Variants in YPEL2 observed in about 807,000 individuals in gnomAD.
YPEL2 encodes protein yippee-like 2.
In YPEL2, 2 loss-of-function variants were observed where a neutral mutation model predicts 19.1. The ratio of observed to expected loss-of-function variants is 0.10; its 90% confidence interval spans 0.04 to 0.33. The LOEUF (loss-of-function observed/expected upper bound fraction) is 0.33, where lower values mean the gene tolerates loss of function less well. Among genes scored for constraint, YPEL2 ranks in the 10% least tolerant of loss-of-function variants. The pLI, the probability that YPEL2 is intolerant of heterozygous loss-of-function variation, is 1.00. For missense variants in YPEL2, 66 were observed against 140.7 expected, an observed-to-expected ratio of 0.47 and a Z score of 2.68; for synonymous variants, 52 against 50.0, an observed-to-expected ratio of 1.04 and a Z score of -0.17.
At chr17:59,385,694 G>A (rs2047976410) in intron 2 of YPEL2, among the ~76,000 whole-genome samples, 1 of 152,092 alleles carries the variant, frequency 6.6e-6, no homozygotes, top group Non-Finnish European at 1.5e-5. Flanking sequence ...GGAGATGTTT[G>A]GGTGTCATGG....
intron 4 of YPEL2, among the ~76,000 whole-genome samples, chr17:59,391,970 C>T (rs1354072399): frequency 1.3e-5 from 2 of 151,948 alleles, no homozygotes; most frequent in East Asian, 3.9e-4. Context: ...CCACAGCTTC[C>T]TATGGTTGGC....
intron 2 of YPEL2, among the ~76,000 whole-genome samples, chr17:59,367,936 C>A (rs2047878503): frequency 6.6e-6 from 1 of 152,108 alleles, no homozygotes; most frequent in Non-Finnish European, 1.5e-5. Flanking sequence ...GAGGGTCAAG[C>A]CACCTCTGCT....
At position 59,388,298 on chromosome 17, in the gene YPEL2, A is replaced by C. The variant is rs567910317; in HGVS notation, c.118-29A>C. ...AAACAGATAGGTGAAATGGATGTCT[A>C]ACTATCGATTTGTTTTCTTGCATTT... is the stretch of plus-strand genomic sequence containing the variant. On this transcript the variant is annotated intron_variant, in intron 2 of 4. Transcript: ENST00000312655. The C allele has an allele frequency of 5.1e-5, 82 of 1,613,574 alleles. 1 individual carries two copies. In the South Asian group the frequency reaches 8.6e-4, roughly 17 times the overall value.
At chr17:59,364,320 C>T (rs140824143) in intron 2 of YPEL2, among the ~76,000 whole-genome samples, 66 of 152,330 alleles carry the variant, frequency 4.3e-4, no homozygotes, top group Middle Eastern at 3.4e-3. Flanking sequence ...AGCTGGTGCA[C>T]ATAGCCCTGG....
chr17:59,392,507 GTT>G (rs3063116), intron 4 of YPEL2, among the ~76,000 whole-genome samples: 9 of 103,170 alleles, frequency 8.7e-5, no homozygotes, highest in Admixed American at 1.1e-4. Context: ...CTCAGGGCAC[GTT>G]TTTTTTTTTT....
chr17:59,351,369 T>A (rs1432673898), intron 1 of YPEL2, among the ~76,000 whole-genome samples: 1 of 152,072 alleles, frequency 6.6e-6, no homozygotes, highest in African/African-American at 2.4e-5. Context: ...AGTGTGAGAC[T>A]CTGTCTTAAA....
intron 1 of YPEL2, among the ~76,000 whole-genome samples, chr17:59,336,658 C>T (rs1206697587): frequency 6.6e-6 from 1 of 152,174 alleles, no homozygotes; most frequent in Non-Finnish European, 1.5e-5. Flanking sequence ...CCTAAGCACT[C>T]AGTGCTAGCT....
chr17:59,378,627 G>A (rs2047934147), intron 2 of YPEL2, among the ~76,000 whole-genome samples: 2 of 152,118 alleles, frequency 1.3e-5, no homozygotes, highest in African/African-American at 2.4e-5. Context: ...GTGAGCCACC[G>A]TGCCTGGCTG....
At chr17:59,389,149 C>A (rs2047995533) in intron 3 of YPEL2, 1 of 553,832 alleles carries the variant, frequency 1.8e-6, no homozygotes, top group Non-Finnish European at 3.2e-6. Flanking sequence ...TTTCGGTAGA[C>A]CCACTCCACT....
At chr17:59,349,575 G>GACC (rs938758887) in intron 1 of YPEL2, among the ~76,000 whole-genome samples, 1 of 151,948 alleles carries the variant, frequency 6.6e-6, no homozygotes, top group African/African-American at 2.4e-5. Flanking sequence ...TCAAACTCCT[G>GACC]ACCTCAAGTG....
At chr17:59,343,224 A>T (rs2047740304) in intron 1 of YPEL2, among the ~76,000 whole-genome samples, 1 of 152,228 alleles carries the variant, frequency 6.6e-6, no homozygotes, top group East Asian at 1.9e-4. Flanking sequence ...GGAGAGTGGC[A>T]AACTGAGTAA....
Position 59,397,455 on chromosome 17 carries a change from C to T in YPEL2, c.*265C>T. The T allele has an allele frequency of 6.7e-6, 2 of 298,106 alleles. No individual in the cohort carries two copies. The highest frequency in any genetic ancestry group is 9.5e-4 in the Middle Eastern group (1 of 1,054). The allele number at this position is 298,106 out of a possible 1,614,324, so 18.5% of individuals were successfully genotyped here. ...GCTGAAAACAAAACAACAAAAGGAA[C>T]AGATCCTTGACCGCATGGCGGCAGC... On this transcript the variant is annotated 3_prime_UTR_variant, in exon 5 of 5. Transcript: ENST00000312655.
At chr17:59,359,922 C>T (rs535730419) in intron 2 of YPEL2, among the ~76,000 whole-genome samples, 19 of 152,264 alleles carry the variant, frequency 1.2e-4, no homozygotes, top group Admixed American at 5.9e-4. Context: ...TTTTTTGAGA[C>T]GGAGTCTCAC....
Position 59,397,316 on chromosome 17 carries a change from T to TCC in YPEL2, c.*128_*129dup. 3.4e-6 allele frequency: 2 copies of TCC among 591,426 alleles called. No homozygotes were observed. Among genetic ancestry groups the TCC allele is most frequent in the Non-Finnish European group, 5.6e-6 (2 of 359,404 alleles). 36.6% of individuals were successfully genotyped at this position (591,426 alleles called of 1,614,324 possible). On this transcript the variant is annotated 3_prime_UTR_variant, in exon 5 of 5. Transcript: ENST00000312655. ...AGGGGCCTTGCCATCCGGGGCATCC[T>TCC]CCCACCCTGACGCCATCTTTCTGGT...
intron 1 of YPEL2, among the ~76,000 whole-genome samples, chr17:59,335,964 C>T (rs1483579848): frequency 6.6e-6 from 1 of 152,132 alleles, no homozygotes; most frequent in East Asian, 1.9e-4. Flanking sequence ...CTCTTAATCC[C>T]CTTAACTTTA....
intron 4 of YPEL2, among the ~76,000 whole-genome samples, chr17:59,395,805 G>A (rs9915847): frequency 0.54 from 82,133 of 152,088 alleles, 22,805 homozygotes; most frequent in East Asian, 0.67. Flanking sequence ...GCGTCCGGGC[G>A]CGGTGGCTCA....
intron 1 of YPEL2, among the ~76,000 whole-genome samples, chr17:59,336,013 T>C (rs1177168322): frequency 1.3e-5 from 2 of 152,190 alleles, no homozygotes; most frequent in Non-Finnish European, 2.9e-5. Flanking sequence ...GGAAATATAT[T>C]ATCTACCTGT....
intron 2 of YPEL2, among the ~76,000 whole-genome samples, chr17:59,357,512 CAG>C (rs1010222911): frequency 1.3e-5 from 2 of 152,128 alleles, no homozygotes; most frequent in African/African-American, 4.8e-5. Context: ...TGTTTGCACA[CAG>C]AGGTATTTTG....
At chr17:59,337,718 C>G (rs1219575170) in intron 1 of YPEL2, among the ~76,000 whole-genome samples, 1 of 152,050 alleles carries the variant, frequency 6.6e-6, no homozygotes, top group Non-Finnish European at 1.5e-5. Flanking sequence ...TAGTGTTAAC[C>G]TTGTAATTTT....
Sources: gnomAD v4.1 joint callset for allele counts (sites outside exome capture counted in the v4.1 genomes callset) on GRCh38, gnomAD v4.1.1 for gene constraint, MANE v1.5 for transcripts, NCBI Gene and HGNC (gene_info 2026-07-23, HGNC 2026-07-21) for gene names.